Variants in CFAP46 observed in about 807,000 individuals in gnomAD.
CFAP46 encodes the protein cilia- and flagella-associated protein 46.
A neutral mutation model predicts 325.7 loss-of-function variants in CFAP46; 245 were observed. The ratio of observed to expected loss-of-function variants is 0.75; its 90% confidence interval spans 0.68 to 0.84. CFAP46 has a LOEUF of 0.84. Among genes scored for constraint, CFAP46 ranks in the 40% least tolerant of loss-of-function variants. CFAP46 has a pLI of 0.00. For synonymous variants in CFAP46, 1,523 were observed against 1,495.9 expected, an observed-to-expected ratio of 1.02 and a Z score of -0.42; for missense variants, 3,346 against 3,543.0, an observed-to-expected ratio of 0.94 and a Z score of 1.41.
In CFAP46 at chr10:132,939,202, T is replaced by G. The variant is rs1850061213; in HGVS notation, c.372-449A>C. On this transcript the variant is annotated intron_variant, in intron 4 of 57. Coordinates refer to ENST00000368586, the MANE Select transcript of CFAP46 (RefSeq NM_001200049.3). The surrounding 1 kb of genome is among the most constrained non-coding windows in gnomAD (Gnocchi z 4.6). ...AGGAGGTTACATGCCTGCTGTGACCTGAAAGATGTCAGGAGGCAGCCAAGA... is the reference window on the plus strand; with the variant it reads ...AGGAGGTTACATGCCTGCTGTGACCGGAAAGATGTCAGGAGGCAGCCAAGA... Among the ~76,000 whole-genome samples the G allele has an allele frequency of 6.6e-6, 1 of 152,084 alleles. No homozygotes were observed. The highest frequency in any genetic ancestry group is 2.4e-5 in the African/African-American group (1 of 41,420).
intron 34 of CFAP46, among the ~76,000 whole-genome samples, chr10:132,866,549 G>A (rs1237427821): frequency 3.3e-5 from 5 of 152,174 alleles, no homozygotes; most frequent in South Asian, 2.1e-4. Context: ...GCCTGCCTGC[G>A]GCTGTGCACC....
intron 26 of CFAP46, 36 bp downstream of exon 26, chr10:132,885,785 G>T (rs78845077): frequency 5.7e-5 from 79 of 1,375,324 alleles, no homozygotes; most frequent in East Asian, 2.4e-4. Context: ...TCAGGCGGTG[G>T]AGGGAGCACT....
chr10:132,811,775 C>T (rs1847585782), intron 55 of CFAP46, among the ~76,000 whole-genome samples: 1 of 152,236 alleles, frequency 6.6e-6, no homozygotes. Flanking sequence ...GGATGGGCTT[C>T]CAGCACCTCT....
intron 5 of CFAP46, among the ~76,000 whole-genome samples, 195 bp downstream of exon 5, chr10:132,938,394 C>A (rs988787543): frequency 6.6e-6 from 1 of 152,218 alleles, no homozygotes; most frequent in African/African-American, 2.4e-5. Context: ...CAGGGCACGG[C>A]AAATGTCATC....
intron 31 of CFAP46, among the ~76,000 whole-genome samples, chr10:132,873,612 A>ACT (rs973108838): frequency 6.6e-6 from 1 of 151,444 alleles, no homozygotes; most frequent in Non-Finnish European, 1.5e-5. Context: ...CCACTCTCTC[A>ACT]CTCTCTCTCT....
chr10:132,885,469 T>A (rs1051406029), intron 26 of CFAP46, among the ~76,000 whole-genome samples, 183 bp from the exon 27 acceptor site: 8 of 151,652 alleles, frequency 5.3e-5, no homozygotes, highest in African/African-American at 1.7e-4. Flanking sequence ...GCCTCGGGGC[T>A]ATGCAGGGTT....
rs1220101284 is a variant in CFAP46, at chr10:132,869,411, G to A, written c.4512-39C>T. 2 of 1,441,240 alleles carry A rather than the reference G, an allele frequency of 1.4e-6. No individual in the cohort carries two copies. Among genetic ancestry groups the A allele is most frequent in the East Asian group, 2.7e-5 (1 of 37,710 alleles). 89.3% of individuals were successfully genotyped at this position (1,441,240 alleles called of 1,614,324 possible). A position where few individuals can be genotyped will look rare whatever the true frequency, so the allele number is the denominator to read the frequency against. On this transcript the variant is annotated intron_variant, in intron 32 of 57. Transcript: ENST00000368586. The surrounding 1 kb of genome is among the most constrained non-coding windows in gnomAD (Gnocchi z 6.2). The stretch of plus-strand genomic sequence containing the variant: ...GGCCGAAAGAGTCAGTGTTGCACGG[G>A]CGCAGAGGGAGCCAGAAACGAAGCT...
chr10:132,895,783 G>A (rs1017839977), intron 24 of CFAP46, among the ~76,000 whole-genome samples: 2 of 152,216 alleles, frequency 1.3e-5, no homozygotes, highest in Admixed American at 6.5e-5. Flanking sequence ...GGTATTTGGC[G>A]ACAGGGCCTC....
intron 27 of CFAP46, among the ~76,000 whole-genome samples, chr10:132,881,696 A>G (rs11146561): frequency 0.14 from 10,150 of 75,098 alleles, 436 homozygotes; most frequent in Non-Finnish European, 0.19. Flanking sequence ...AGCCTGCACC[A>G]CACCCTCCCC....
In CFAP46 at chr10:132,832,386, C is replaced by T. The variant is rs1848160431; in HGVS notation, c.7117+972G>A. On this transcript the variant is annotated intron_variant, in intron 50 of 57. Coordinates refer to ENST00000368586, the MANE Select transcript of CFAP46 (RefSeq NM_001200049.3). This position sits in a 1 kb window ranked among gnomAD's most constrained non-coding sequence, Gnocchi z 4.1. Reference sequence around the variant, plus strand: ...ACTTGCGGAGACCCCTGGGCTCTTCCTGCCCCCCCCCCCCAATGCTGTGGC... The same window carrying T: ...ACTTGCGGAGACCCCTGGGCTCTTCTTGCCCCCCCCCCCCAATGCTGTGGC... Among the ~76,000 whole-genome samples, 1 of 138,502 alleles carries T rather than the reference C, an allele frequency of 7.2e-6. No individual in the cohort carries two copies. Among genetic ancestry groups the T allele is most frequent in the Non-Finnish European group, 1.5e-5 (1 of 65,528 alleles). 90.9% of individuals were successfully genotyped at this position (138,502 alleles called of 152,430 possible). A position where few individuals can be genotyped will look rare whatever the true frequency, so the allele number is the denominator to read the frequency against.
At chr10:132,916,421 T>C in intron 17 of CFAP46, 128 bp downstream of exon 17, 1 of 1,008,758 alleles carries the variant, frequency 9.9e-7, no homozygotes, top group Non-Finnish European at 1.4e-6. Context: ...GATGGACACG[T>C]CCCCCACGCA....
chr10:132,854,386 G>C (rs1848608439), intron 39 of CFAP46, among the ~76,000 whole-genome samples: 2 of 152,030 alleles, frequency 1.3e-5, no homozygotes, highest in African/African-American at 4.8e-5. Flanking sequence ...GCCCAGGCTG[G>C]AGTGCAGTGG....
intron 50 of CFAP46, among the ~76,000 whole-genome samples, chr10:132,815,769 G>C (rs1847682449): frequency 6.6e-6 from 1 of 152,116 alleles, no homozygotes; most frequent in Non-Finnish European, 1.5e-5. Flanking sequence ...CTGGGTGACA[G>C]AGCGAGACCG....
intron 50 of CFAP46, among the ~76,000 whole-genome samples, chr10:132,826,904 G>T (rs1034778721): frequency 6.6e-6 from 1 of 152,256 alleles, no homozygotes; most frequent in Admixed American, 6.5e-5. Context: ...AGTCAGGAGG[G>T]TGGGCGCTGT....
chr10:132,851,967 C>G (rs1339396279), intron 39 of CFAP46, among the ~76,000 whole-genome samples: 1 of 148,770 alleles, frequency 6.7e-6, no homozygotes, highest in Non-Finnish European at 1.5e-5. Flanking sequence ...CCTCCATTTA[C>G]TTAGGAATTC....
intron 18 of CFAP46, 111 bp from the exon 19 acceptor site, chr10:132,912,931 G>A (rs1409497911): frequency 9.4e-6 from 14 of 1,481,890 alleles, no homozygotes; most frequent in South Asian, 1.3e-5. Flanking sequence ...GGGTGCCCAC[G>A]ACCCTCCTCT....
chr10:132,861,980 C>A (rs991404729), intron 35 of CFAP46, among the ~76,000 whole-genome samples: 1 of 152,204 alleles, frequency 6.6e-6, no homozygotes, highest in Admixed American at 6.5e-5. Context: ...GCCCCAGCCA[C>A]TAGGGAGGCA....
In CFAP46 at chr10:132,808,569, G is replaced by A; in HGVS notation, c.8000C>T (p.Ala2667Val). The A allele has an allele frequency of 6.2e-7, 1 of 1,612,900 alleles. No homozygotes were observed. The highest frequency in any genetic ancestry group is 1.1e-5 in the South Asian group (1 of 91,076). Reference protein sequence around the residue: ...RKAAAWTSSSACLCAPWGLRR... With the variant: ...RKAAAWTSSSVCLCAPWGLRR... ...CAGACCCCATGGCGCACACAGGCAG[G>A]CAGAGCTCGAGGTCCAGGCGGCTGC... The change falls in exon 58 of 58, where the codon GCC (alanine) becomes GTC (valine). Residue 2667 changes from alanine (A) to valine (V), a missense_variant. Transcript: ENST00000368586. This position sits in a 1 kb window ranked among gnomAD's most constrained non-coding sequence, Gnocchi z 6.8.
Position 132,859,181 on chromosome 10 carries a change from C to A in CFAP46, c.5265G>T (p.Leu1755Phe), listed in dbSNP as rs1344886605. Reference sequence around the variant, plus strand: ...GGCCATCATCCATCTCTTTCAGTAGCAACGAGCACTCTGTGGGTTCAGTGA... The same window carrying A: ...GGCCATCATCCATCTCTTTCAGTAGAAACGAGCACTCTGTGGGTTCAGTGA... Reference protein sequence around the residue: ...SAVTEPTECSLLLKEMDDGLL... With the variant: ...SAVTEPTECSFLLKEMDDGLL... Residue 1755 changes from leucine (L) to phenylalanine (F), a missense_variant, in exon 38 of 58, where the codon TTG (leucine) becomes TTT (phenylalanine). Coordinates refer to ENST00000368586, the MANE Select transcript of CFAP46 (RefSeq NM_001200049.3). 2 of 1,550,548 alleles carry A rather than the reference C, an allele frequency of 1.3e-6. No individual in the cohort carries two copies. The highest frequency in any genetic ancestry group is 1.7e-6 in the Non-Finnish European group (2 of 1,147,028).
Sources: gnomAD v4.1 joint callset for allele counts (sites outside exome capture counted in the v4.1 genomes callset) on GRCh38, gnomAD v4.1.1 for gene constraint, Gnocchi (gnomAD v3.1) non-coding constraint, MANE v1.5 for transcripts, NCBI Gene and HGNC (gene_info 2026-07-23, HGNC 2026-07-21) for gene names.